HHIP: variants seen among roughly 807,000 people sequenced by gnomAD.
HHIP encodes hedgehog-interacting protein.
HHIP carries 12 observed loss-of-function variants against 74.0 expected under a neutral mutation model. The observed-to-expected ratio is 0.16, with a 90% CI of 0.10 to 0.26. HHIP has a LOEUF of 0.26. Ranked by LOEUF, HHIP falls within the 10% of genes least tolerant of loss-of-function variation. The pLI, the probability that HHIP is intolerant of heterozygous loss-of-function variation, is 1.00. For missense variants in HHIP, 788 were observed against 845.0 expected (o/e 0.93, Z 0.84); for synonymous variants, 309 against 311.6 (o/e 0.99, Z 0.09).
intron 4 of HHIP, among the ~76,000 whole-genome samples, chr4:144,685,962 G>C (rs1047252373): frequency 6.6e-6 from 1 of 152,108 alleles, no homozygotes; most frequent in African/African-American, 2.4e-5. Context: ...CCTTCACTAG[G>C]TGACTTATTT....
intron 9 of HHIP, 72 bp downstream of exon 9, chr4:144,714,420 C>T: frequency 7.1e-7 from 1 of 1,413,010 alleles, no homozygotes; most frequent in Non-Finnish European, 9.9e-7. Context: ...CAAACTGCCA[C>T]AAAATATTCA....
At chr4:144,692,635 C>A (rs1386313411) in intron 4 of HHIP, among the ~76,000 whole-genome samples, 1 of 152,090 alleles carries the variant, frequency 6.6e-6, no homozygotes, top group East Asian at 1.9e-4. Flanking sequence ...CTTTTATAGC[C>A]CTCTCCAAAG....
intron 11 of HHIP, among the ~76,000 whole-genome samples, chr4:144,719,707 C>T (rs1730575829): frequency 6.6e-6 from 1 of 152,130 alleles, no homozygotes; most frequent in Admixed American, 6.5e-5. Context: ...AATTTAGAAA[C>T]AGCTAATCAT....
In HHIP at chr4:144,666,549, C is replaced by T. The variant is rs537368928; in HGVS notation, c.831+6711C>T. Among the ~76,000 whole-genome samples, 275 of 152,218 alleles carry T rather than the reference C, an allele frequency of 1.8e-3. 1 individual carries two copies. The highest frequency in any genetic ancestry group is 6.1e-3 in the African/African-American group (252 of 41,524). ...GGCCCACATGTTAAGGAAACTGCCCCGATACCACAGCTAGCAAGTACCACA... is the reference window on the plus strand; with the variant it reads ...GGCCCACATGTTAAGGAAACTGCCCTGATACCACAGCTAGCAAGTACCACA... On this transcript the variant is annotated intron_variant, in intron 4 of 12. Transcript: ENST00000296575.
intron 4 of HHIP, among the ~76,000 whole-genome samples, chr4:144,671,067 C>T (rs1729024489): frequency 1.3e-5 from 2 of 152,138 alleles, no homozygotes; most frequent in Admixed American, 1.3e-4. Context: ...CATAGTTCAT[C>T]CTCTTACCCT....
At chr4:144,728,990 G>C (rs1730874970) in intron 11 of HHIP, among the ~76,000 whole-genome samples, 1 of 151,960 alleles carries the variant, frequency 6.6e-6, no homozygotes, top group Non-Finnish European at 1.5e-5. Flanking sequence ...ACTGAAGAAA[G>C]AAACACCGAT....
chr4:144,718,985 A>G (rs1488882007), intron 11 of HHIP, 29 bp downstream of exon 11: 1 of 1,342,582 alleles, frequency 7.4e-7, no homozygotes, highest in Non-Finnish European at 1.1e-6. Flanking sequence ...CCATTAAGTC[A>G]AGTAATTTTC....
intron 11 of HHIP, 124 bp from the exon 12 acceptor site, chr4:144,734,617 T>TA (rs35694650): frequency 0.38 from 217,244 of 566,866 alleles, 18,606 homozygotes; most frequent in Admixed American, 0.41. Context: ...CTGAGTCACT[T>TA]AAAAAAAAAA....
At chr4:144,691,401 T>A (rs1024157489) in intron 4 of HHIP, among the ~76,000 whole-genome samples, 2 of 152,198 alleles carry the variant, frequency 1.3e-5, no homozygotes, top group African/African-American at 4.8e-5. Flanking sequence ...TATTTTTGCA[T>A]CTGGCAATAT....
intron 6 of HHIP, among the ~76,000 whole-genome samples, chr4:144,707,838 T>C (rs1385026257): frequency 1.3e-5 from 2 of 152,112 alleles, no homozygotes; most frequent in Non-Finnish European, 2.9e-5. Context: ...AGCAGCACCA[T>C]TATGGCTCAC....
chr4:144,691,146 T>G (rs2126634503), intron 4 of HHIP, among the ~76,000 whole-genome samples: 1 of 152,196 alleles, frequency 6.6e-6, no homozygotes, highest in East Asian at 1.9e-4. Flanking sequence ...TTATTAAAAT[T>G]GAAAGATTGC....
chr4:144,710,510 A>C (rs1182253584), intron 7 of HHIP, among the ~76,000 whole-genome samples: 1 of 152,200 alleles, frequency 6.6e-6, no homozygotes, highest in Non-Finnish European at 1.5e-5. Flanking sequence ...CATGACTCTT[A>C]CGTCTCTTAA....
intron 4 of HHIP, among the ~76,000 whole-genome samples, chr4:144,704,218 T>C (rs1730067133): frequency 6.6e-6 from 1 of 152,240 alleles, no homozygotes; most frequent in Non-Finnish European, 1.5e-5. Flanking sequence ...CTGAAATGAC[T>C]TAAGAGTAGT....
chr4:144,665,644 G>C (rs1004212877), intron 4 of HHIP, among the ~76,000 whole-genome samples: 1 of 152,002 alleles, frequency 6.6e-6, no homozygotes, highest in Non-Finnish European at 1.5e-5. Context: ...TTTTGCTCCT[G>C]GTATTCTTTC....
chr4:144,652,469 G>T, intron 1 of HHIP, 136 bp from the exon 2 acceptor site: 1 of 619,458 alleles, frequency 1.6e-6, no homozygotes, highest in Non-Finnish European at 2.8e-6. Context: ...TCTGTATTGT[G>T]ACACAGTAAT....
intron 4 of HHIP, among the ~76,000 whole-genome samples, chr4:144,672,755 G>A (rs905316097): frequency 6.6e-6 from 1 of 152,116 alleles, no homozygotes; most frequent in African/African-American, 2.4e-5. Flanking sequence ...AGGCTGGAGT[G>A]CAGTGGCACA....
rs187594138 is a variant in HHIP, at chr4:144,646,414, C to G, written c.-262C>G. ...CAGAAAGCCCCCAACCCAACTGACA[C>G]TGGCACAACTGCAAACGGTGTCATC... On this transcript the variant is annotated 5_prime_UTR_variant, in exon 1 of 13. Coordinates refer to ENST00000296575, the MANE Select transcript of HHIP (RefSeq NM_022475.3). 17 of 408,634 alleles carry G rather than the reference C, an allele frequency of 4.2e-5. No homozygotes were observed. The Admixed American group carries it at 7.1e-4, about 17-fold the overall frequency. 25.3% of individuals were successfully genotyped at this position (408,634 alleles called of 1,614,324 possible).
chr4:144,728,745 T>C (rs1730866960), intron 11 of HHIP, among the ~76,000 whole-genome samples: 1 of 152,130 alleles, frequency 6.6e-6, no homozygotes, highest in African/African-American at 2.4e-5. Flanking sequence ...CTGTCAATCC[T>C]GCCATGAAGT....
chr4:144,654,122 T>C (rs1422789265), intron 2 of HHIP, among the ~76,000 whole-genome samples: 2 of 152,186 alleles, frequency 1.3e-5, no homozygotes, highest in Non-Finnish European at 2.9e-5. Context: ...CTACTTTAGA[T>C]AACTACAACA....
Sources: allele counts gnomAD v4.1 joint callset (sites outside exome capture counted in the v4.1 genomes callset), GRCh38; gene constraint gnomAD v4.1.1; transcripts MANE v1.5; gene names NCBI Gene and HGNC (gene_info 2026-07-23, HGNC 2026-07-21).